Variants in GORASP2 observed in about 807,000 individuals in gnomAD.
The protein encoded by GORASP2 is golgi reassembly stacking protein 2, also known as Golgi reassembly-stacking protein 2.
Under a neutral mutation model 45.7 loss-of-function variants are expected in GORASP2, and 22 were observed. That is an observed-to-expected ratio of 0.48 (90% CI 0.34 to 0.69). The LOEUF (loss-of-function observed/expected upper bound fraction) is 0.69. Ranked by LOEUF, GORASP2 falls within the 30% of genes least tolerant of loss-of-function variation. GORASP2 has a pLI of 0.01. For synonymous variants in GORASP2, 221 were observed against 215.6 expected (o/e 1.02, Z -0.22); for missense variants, 491 against 562.7 (o/e 0.87, Z 1.29).
chr2:170,948,266 C>G (rs1292272995), intron 1 of GORASP2, 84 bp from the exon 2 acceptor site: 1 of 779,810 alleles, frequency 1.3e-6, no homozygotes, highest in Non-Finnish European at 2.3e-6. Flanking sequence ...TGAAATTGGT[C>G]TATTTTTACT....
rs749588133 is a variant in GORASP2, at chr2:170,950,286, A to T, written c.431A>T (p.Asn144Ile). 6.7e-7 allele frequency: 1 copy of T among 1,491,960 alleles called. No homozygotes were observed. Among genetic ancestry groups the T allele is most frequent in the Non-Finnish European group, 9.2e-7 (1 of 1,086,958 alleles). The allele number at this position is 1,491,960 out of a possible 1,614,324, so 92.4% of individuals were successfully genotyped here. ...DYIIGADTVM[N>I]ESEDLFSLIE... ...ATAATTGGAGCAGATACAGTCATGA[A>T]TGAGGTAATTCGTGTGTTTATTCAT... The change falls in exon 4 of 10, where the codon AAT becomes ATT. Residue 144 changes from asparagine (N) to isoleucine (I), a missense_variant. This residue lies in a region of GORASP2 where 194 missense variants were observed against 270.4 expected (regional missense o/e 0.72). Transcript: ENST00000234160.
At chr2:170,936,815 G>A in intron 1 of GORASP2, 1 of 388,034 alleles carries the variant, frequency 2.6e-6, no homozygotes, top group South Asian at 1.9e-5. Context: ...ACTTGACCAA[G>A]GACTTTGAGG....
chr2:170,962,696 G>T (rs1356898429), intron 8 of GORASP2, 143 bp from the exon 9 acceptor site: 2 of 617,738 alleles, frequency 3.2e-6, no homozygotes, highest in Non-Finnish European at 3.0e-6. Flanking sequence ...TATTTATATT[G>T]TTATGATACA....
intron 6 of GORASP2, 105 bp downstream of exon 6, chr2:170,954,887 G>C: frequency 2.5e-6 from 2 of 804,666 alleles, no homozygotes; most frequent in Non-Finnish European, 4.0e-6. Flanking sequence ...TAGGGTAGAC[G>C]ATGAGTTAAG....
chr2:170,935,990 AG>A (rs1703941581), intron 1 of GORASP2, among the ~76,000 whole-genome samples: 2 of 152,190 alleles, frequency 1.3e-5, no homozygotes. Flanking sequence ...TTCAGTAAGT[AG>A]TAGAGTGTAC....
At position 170,966,431 on chromosome 2, in the gene GORASP2, TG is replaced by T; in HGVS notation, c.*303del. 2.2e-6 allele frequency: 1 copy of T among 455,500 alleles called. No individual in the cohort carries two copies. The highest frequency in any genetic ancestry group is 2.3e-5 in the South Asian group (1 of 43,224). The allele number at this position is 455,500 out of a possible 1,614,324, so 28.2% of individuals were successfully genotyped here. A position where few individuals can be genotyped will look rare whatever the true frequency, so the allele number is the denominator to read the frequency against. On this transcript the variant is annotated 3_prime_UTR_variant, in exon 10 of 10. Transcript: ENST00000234160. The stretch of plus-strand genomic sequence containing the variant: ...GGGTGTGCATCTTCGGGAAAGGTGG[TG>T]GCGGGGCGTCCACTAGGTTTCCTGT...
At chr2:170,950,557 A>G (rs570624756) in intron 4 of GORASP2, among the ~76,000 whole-genome samples, 6 of 152,310 alleles carry the variant, frequency 3.9e-5, no homozygotes, top group African/African-American at 1.4e-4. Context: ...GTCTAAATCA[A>G]ATTCTCATTT....
chr2:170,929,114 C>G (rs1240328949), upstream of GORASP2: 1 of 392,436 alleles, frequency 2.5e-6, no homozygotes, highest in Non-Finnish European at 4.5e-6. Flanking sequence ...CCTCCCGGCC[C>G]GCGAGCGCTC....
At position 170,961,669 on chromosome 2, in the gene GORASP2, C is replaced by A; in HGVS notation, c.830C>A (p.Pro277Gln). 6.5e-7 allele frequency: 1 copy of A among 1,549,782 alleles called. No individual in the cohort carries two copies. Among genetic ancestry groups the A allele is most frequent in the Non-Finnish European group, 8.9e-7 (1 of 1,121,442 alleles). ...GATTGTGCTTTCTTTTTAGGTGTAC[C>A]AACAGTACCGTTATTGCCACCACAA... ...AVSSVLSTGVPTVPLLPPQVN... is the reference protein window; with the variant it reads ...AVSSVLSTGVQTVPLLPPQVN... The change falls in exon 8 of 10, where the codon CCA (proline) becomes CAA (glutamine). Residue 277 changes from proline (P) to glutamine (Q), a missense_variant. By Grantham distance (76) the Pro-to-Gln change is moderately conservative. Coordinates refer to ENST00000234160, the MANE Select transcript of GORASP2 (RefSeq NM_015530.5).
At chr2:170,951,012 A>G (rs1704288031) in intron 4 of GORASP2, among the ~76,000 whole-genome samples, 1 of 152,132 alleles carries the variant, frequency 6.6e-6, no homozygotes, top group African/African-American at 2.4e-5. Context: ...AAAGAGTGAG[A>G]AATGAGGTGC....
intron 8 of GORASP2, among the ~76,000 whole-genome samples, chr2:170,962,601 T>G (rs750847051): frequency 2.0e-5 from 3 of 152,224 alleles, no homozygotes; most frequent in Non-Finnish European, 2.9e-5. Flanking sequence ...GTATTAGTTA[T>G]TTATTTTCAT....
At chr2:170,959,228 C>T (rs1704496968) in intron 7 of GORASP2, among the ~76,000 whole-genome samples, 1 of 152,248 alleles carries the variant, frequency 6.6e-6, no homozygotes. Context: ...TCCCAAAGTG[C>T]TGGGATTACA....
intron 1 of GORASP2, among the ~76,000 whole-genome samples, chr2:170,946,278 C>T (rs2105318927): frequency 6.6e-6 from 1 of 152,244 alleles, no homozygotes; most frequent in Middle Eastern, 3.4e-3. Context: ...TCTGGGATTA[C>T]AGGCATGAGC....
In GORASP2 at chr2:170,954,657, T is replaced by G; in HGVS notation, c.574T>G (p.Cys192Gly). 6.2e-7 allele frequency: 1 copy of G among 1,612,004 alleles called. No homozygotes were observed. The highest frequency in any genetic ancestry group is 8.5e-7 in the Non-Finnish European group (1 of 1,178,920). ...AAAAAAATGTTTTTATAGCCTAGGA[T>G]GTGGCATTGGATATGGTTATTTGCA... ...SAWGGEGSLG[C>G]GIGYGYLHRI... The change falls in exon 6 of 10, where the codon TGT becomes GGT. Residue 192 changes from cysteine to glycine, a missense_variant. By Grantham distance (159) the Cys-to-Gly change is radical. Transcript: ENST00000234160.
At chr2:170,945,195 G>A (rs747646983) in intron 1 of GORASP2, among the ~76,000 whole-genome samples, 21 of 152,138 alleles carry the variant, frequency 1.4e-4, no homozygotes, top group East Asian at 9.6e-4. Context: ...GTATGGTGAC[G>A]TGCCCCTGTA....
Position 170,949,716 on chromosome 2 carries a change from G to T in GORASP2, c.322G>T (p.Ala108Ser). 1 of 1,613,764 alleles carries T rather than the reference G, an allele frequency of 6.2e-7. No homozygotes were observed. Among genetic ancestry groups the T allele is most frequent in the Admixed American group, 1.7e-5 (1 of 60,008 alleles). ...VSIRFCSFDGANENVWHVLEV... is the reference protein window; with the variant it reads ...VSIRFCSFDGSNENVWHVLEV... The stretch of plus-strand genomic sequence containing the variant: ...CATTCGTTTCTGCAGCTTTGATGGG[G>T]CAAATGAAAATGTTTGGCATGTGCT... The change falls in exon 3 of 10, where the codon GCA becomes TCA. Residue 108 changes from alanine (A) to serine (S), a missense_variant. This residue lies in a region of GORASP2 where 194 missense variants were observed against 270.4 expected (regional missense o/e 0.72). Transcript: ENST00000234160.
At chr2:170,932,890 TC>T in intron 1 of GORASP2, among the ~76,000 whole-genome samples, 1 of 152,292 alleles carries the variant, frequency 6.6e-6, no homozygotes, top group Middle Eastern at 3.4e-3. Context: ...GTTAAACAAA[TC>T]AGGGCCTAAA....
chr2:170,962,889 A>C lies in GORASP2; in HGVS notation c.961A>C (p.Asn321His). Residue 321 changes from asparagine (N) to histidine (H), a missense_variant, in exon 9 of 10, where the codon AAC (asparagine) becomes CAC (histidine). By Grantham distance (68) the Asn-to-His change is moderately conservative. Transcript: ENST00000234160. ...GCCCAACCTCCCCAACCTCAACCTC[A>C]ACCTCCCAGCACCACACATCATGCC... is the stretch of plus-strand genomic sequence containing the variant. ...GLPNLPNLNL[N>H]LPAPHIMPGV... 6.2e-7 allele frequency: 1 copy of C among 1,613,792 alleles called. No homozygotes were observed.
chr2:170,942,878 CT>C (rs1298766867), intron 1 of GORASP2, among the ~76,000 whole-genome samples: 35 of 152,148 alleles, frequency 2.3e-4, no homozygotes, highest in Non-Finnish European at 4.9e-4. Flanking sequence ...TTGTTACTCT[CT>C]TTTTAATTAT....
Sources: allele counts gnomAD v4.1 joint callset (sites outside exome capture counted in the v4.1 genomes callset), GRCh38; gene constraint gnomAD v4.1.1; regional missense constraint gnomAD v4.1.1; transcripts MANE v1.5; gene names NCBI Gene and HGNC (gene_info 2026-07-23, HGNC 2026-07-21).